EXOC2: variants seen among roughly 807,000 people sequenced by gnomAD.
The protein encoded by EXOC2 is SEC5-like 1.
EXOC2 carries 70 observed loss-of-function variants against 131.8 expected under a neutral mutation model. The ratio of observed to expected loss-of-function variants is 0.53; its 90% CI spans 0.44 to 0.65. The LOEUF (loss-of-function observed/expected upper bound fraction) is 0.65. Ranked by LOEUF, EXOC2 falls within the 30% of genes least tolerant of loss-of-function variation. The pLI is 0.00. For synonymous variants in EXOC2, 411 were observed against 398.4 expected (o/e 1.03, Z -0.38); for missense variants, 923 against 1,108.6 (o/e 0.83, Z 2.38).
chr6:583,898 T>G (rs1160443923), intron 11 of EXOC2, among the ~76,000 whole-genome samples: 2 of 152,200 alleles, frequency 1.3e-5, no homozygotes. Flanking sequence ...GGAAAGAAAC[T>G]AGCATCTCAT....
intron 17 of EXOC2, among the ~76,000 whole-genome samples, chr6:558,579 A>G (rs1289978533): frequency 6.6e-6 from 1 of 152,196 alleles, no homozygotes; most frequent in Non-Finnish European, 1.5e-5. Context: ...TGGGAGGCTG[A>G]GGCGGGTGGA....
At chr6:555,518 T>C (rs554666361) in intron 19 of EXOC2, among the ~76,000 whole-genome samples, 2 of 152,338 alleles carry the variant, frequency 1.3e-5, no homozygotes, top group South Asian at 4.1e-4. Context: ...GAAGTGCCTA[T>C]GTTTTGATCA....
In EXOC2 at chr6:551,733, C is replaced by T. The variant is rs561994374; in HGVS notation, c.2121+2121G>A. 1.9e-4 allele frequency among the ~76,000 whole-genome samples: 29 copies of T among 152,310 alleles called. 1 individual carries two copies. Among genetic ancestry groups the T allele is most frequent in the Admixed American group, 1.4e-3 (22 of 15,304 alleles). On this transcript the variant is annotated intron_variant, in intron 21 of 27. Coordinates refer to ENST00000230449, the MANE Select transcript of EXOC2 (RefSeq NM_018303.6). Reference sequence around the variant, plus strand: ...TCTCCACAGGACTCCCCTAGCCTGCCGCATTTCCATGCTCCACAAGCCCCT... The same window carrying T: ...TCTCCACAGGACTCCCCTAGCCTGCTGCATTTCCATGCTCCACAAGCCCCT...
At chr6:643,992 A>G (rs1028618440) in intron 1 of EXOC2, among the ~76,000 whole-genome samples, 8 of 152,284 alleles carry the variant, frequency 5.3e-5, no homozygotes, top group Admixed American at 2.6e-4. Context: ...GAAAATCTCA[A>G]TATCTTCATA....
At chr6:588,638 C>T (rs888643551) in intron 11 of EXOC2, among the ~76,000 whole-genome samples, 7 of 152,354 alleles carry the variant, frequency 4.6e-5, no homozygotes, top group Admixed American at 1.3e-4. Context: ...CAGGCGTGGG[C>T]CACCGCACCG....
In EXOC2 at chr6:556,011, G is replaced by A; in HGVS notation, c.1935C>T (p.Val645=). 1.2e-6 allele frequency: 2 copies of A among 1,613,662 alleles called. No homozygotes were observed. Among genetic ancestry groups the A allele is most frequent in the East Asian group, 2.2e-5 (1 of 44,870 alleles). The change falls in exon 19 of 28, where the codon GTC becomes GTT. Residue 645 remains valine (V), a splice_region_variant and synonymous_variant. Transcript: ENST00000230449. Reference sequence around the variant, plus strand: ...CCTCCTGTGTTTTAGGTTGTTGGAAGACCTGTAAGGAAGAATTTTGATGAA... The same window carrying A: ...CCTCCTGTGTTTTAGGTTGTTGGAAAACCTGTAAGGAAGAATTTTGATGAA... The part of the protein sequence containing the change: ...VLECKPGEAS[V]FQQPKTQEEV...
intron 6 of EXOC2, among the ~76,000 whole-genome samples, chr6:615,179 GT>G (rs1235131997): frequency 2.8e-5 from 3 of 106,294 alleles, no homozygotes; most frequent in African/African-American, 1.8e-4. Context: ...ATATGTGGGT[GT>G]GGGTGTGTGT....
At chr6:566,609 C>G (rs148330220) in intron 13 of EXOC2, among the ~76,000 whole-genome samples, 48 of 152,298 alleles carry the variant, frequency 3.2e-4, no homozygotes, top group African/African-American at 1.0e-3. Context: ...GTATGGGCAT[C>G]GAGCAAATGA....
At chr6:567,478 T>A (rs1407754120) in intron 13 of EXOC2, among the ~76,000 whole-genome samples, 3 of 152,212 alleles carry the variant, frequency 2.0e-5, no homozygotes, top group Admixed American at 2.0e-4. Flanking sequence ...AATAATAATT[T>A]AAAAAAATTA....
rs577550506 is a variant in EXOC2 at position 653,755 on chromosome 6, A to G, written c.-43-15894T>C. ...TGGCTACACTCAACGACACATTTTC[A>G]TTGAAGACAAATAGCCTTCAATTGG... On this transcript the variant is annotated intron_variant, in intron 1 of 27. Transcript: ENST00000230449. Among the ~76,000 whole-genome samples the G allele has an allele frequency of 7.9e-5, 12 of 152,374 alleles. No homozygotes were observed. The South Asian group carries it at 1.2e-3, about 16-fold the overall frequency.
chr6:675,662 C>G (rs1406361799), intron 1 of EXOC2, among the ~76,000 whole-genome samples: 1 of 21,336 alleles, frequency 4.7e-5, no homozygotes, highest in Non-Finnish European at 1.2e-4. Context: ...TGCAGTTCCC[C>G]ATACTCTTCA....
intron 4 of EXOC2, among the ~76,000 whole-genome samples, chr6:628,897 A>C (rs1325283680): frequency 6.6e-6 from 1 of 152,340 alleles, no homozygotes; most frequent in East Asian, 1.9e-4. Flanking sequence ...ATACTGCAAA[A>C]ATGTTTCAAA....
chr6:678,480 T>C (rs745680758), intron 1 of EXOC2, among the ~76,000 whole-genome samples: 1 of 152,242 alleles, frequency 6.6e-6, no homozygotes, highest in Non-Finnish European at 1.5e-5. Flanking sequence ...AGGTGCGTCA[T>C]TAGCTGCGCT....
At chr6:623,122 C>T (rs955702717) in intron 4 of EXOC2, among the ~76,000 whole-genome samples, 6 of 152,234 alleles carry the variant, frequency 3.9e-5, no homozygotes, top group African/African-American at 1.2e-4. Context: ...TGGCCCTGCA[C>T]TCCCAGCTCT....
At chr6:528,121 C>G (rs1765852867) in intron 23 of EXOC2, among the ~76,000 whole-genome samples, 1 of 151,900 alleles carries the variant, frequency 6.6e-6, no homozygotes, top group Non-Finnish European at 1.5e-5. Context: ...AAAGAGGTGA[C>G]AACAATTTAA....
At chr6:605,549 T>A (rs1021177680) in intron 7 of EXOC2, among the ~76,000 whole-genome samples, 1 of 152,206 alleles carries the variant, frequency 6.6e-6, no homozygotes, top group Non-Finnish European at 1.5e-5. Context: ...GGTGGTGATA[T>A]CCCCTTTATC....
At chr6:551,596 A>T (rs901285778) in intron 21 of EXOC2, among the ~76,000 whole-genome samples, 2 of 152,230 alleles carry the variant, frequency 1.3e-5, no homozygotes, top group South Asian at 4.1e-4. Flanking sequence ...GAGCAGGACC[A>T]CCCCAAGTGC....
At chr6:527,620 T>A (rs1374928850) in intron 23 of EXOC2, among the ~76,000 whole-genome samples, 1 of 152,246 alleles carries the variant, frequency 6.6e-6, no homozygotes, top group Non-Finnish European at 1.5e-5. Context: ...TACTCTAGGT[T>A]ATATGCATCA....
At chr6:587,763 C>T (rs572593221) in intron 11 of EXOC2, among the ~76,000 whole-genome samples, 4 of 152,156 alleles carry the variant, frequency 2.6e-5, no homozygotes, top group Admixed American at 6.5e-5. Context: ...GCAATGCTAT[C>T]GATGCACTCA....
Sources: gnomAD v4.1 joint callset for allele counts (sites outside exome capture counted in the v4.1 genomes callset) on GRCh38, gnomAD v4.1.1 for gene constraint, MANE v1.5 for transcripts, NCBI Gene and HGNC (gene_info 2026-07-23, HGNC 2026-07-21) for gene names.